The following CLASP2 variants were observed in gnomAD, a reference collection of about 807,000 sequenced individuals.
The protein encoded by CLASP2 is cytoplasmic linker associated protein 2.
Under a neutral mutation model 194.4 loss-of-function variants are expected in CLASP2, and 47 were observed. The ratio of observed to expected loss-of-function variants is 0.24; its 90% CI spans 0.19 to 0.31. The LOEUF (loss-of-function observed/expected upper bound fraction) is 0.31, where lower values mean the gene tolerates loss of function less well. Among genes scored for constraint, CLASP2 ranks in the 10% least tolerant of loss-of-function variants. The pLI is 1.00. For missense variants in CLASP2, 1,445 were observed against 1,823.6 expected (o/e 0.79, Z 3.78); for synonymous variants, 619 against 633.5 (o/e 0.98, Z 0.34).
intron 7 of CLASP2, among the ~76,000 whole-genome samples, chr3:33,652,685 T>C (rs28478611): frequency 2.6e-5 from 4 of 152,212 alleles, no homozygotes; most frequent in Admixed American, 6.5e-5. Context: ...CAGACCTATA[T>C]ATCCAATTGC....
rs568821764 is a variant in CLASP2 at position 33,568,553 on chromosome 3, C to CAAAAAAAAAA, written c.2764-1829_2764-1820dup. On this transcript the variant is annotated intron_variant, in intron 26 of 38. Coordinates refer to ENST00000682230, the MANE Select transcript of CLASP2 (RefSeq NM_001365631.1). The stretch of plus-strand genomic sequence containing the variant: ...TGGGTGACAGAAAGAGATCTTGTCT[C>CAAAAAAAAAA]AAAAAAAAAAAAAAAAAAAAAATTA... 2.9e-3 allele frequency among the ~76,000 whole-genome samples: 166 copies of CAAAAAAAAAA among 56,778 alleles called. 5 individuals are homozygous for CAAAAAAAAAA. Among genetic ancestry groups the CAAAAAAAAAA allele is most frequent in the Middle Eastern group, 0.011 (1 of 88 alleles). 37.2% of individuals were successfully genotyped at this position (56,778 alleles called of 152,430 possible).
intron 30 of CLASP2, among the ~76,000 whole-genome samples, chr3:33,548,107 C>A (rs1346206474): frequency 6.6e-6 from 1 of 151,476 alleles, no homozygotes; most frequent in Non-Finnish European, 1.5e-5. Flanking sequence ...AGATCAATTT[C>A]CTGTTATAGT....
chr3:33,555,494 T>G (rs1443081872), intron 29 of CLASP2, among the ~76,000 whole-genome samples: 2 of 151,474 alleles, frequency 1.3e-5, no homozygotes, highest in Non-Finnish European at 2.9e-5. Context: ...GCTTCCCGAG[T>G]AGATAAGATT....
In CLASP2 at chr3:33,643,379, T is replaced by C. The variant is rs377467859; in HGVS notation, c.862+1378A>G. Among the ~76,000 whole-genome samples, 8 of 152,000 alleles carry C rather than the reference T, an allele frequency of 5.3e-5. No homozygotes were observed. In the East Asian group the frequency reaches 1.3e-3, roughly 26 times the overall value. Reference sequence around the variant, plus strand: ...TGTAATAACTGAAGAGAGCTATTTGTTATAAAAGGAAGAAACCAAAAAATG... The same window carrying C: ...TGTAATAACTGAAGAGAGCTATTTGCTATAAAAGGAAGAAACCAAAAAATG... On this transcript the variant is annotated intron_variant, in intron 8 of 38. Transcript: ENST00000682230.
At chr3:33,601,223 GTGCTGGGA>G (rs2072092770) in intron 18 of CLASP2, among the ~76,000 whole-genome samples, 1 of 152,154 alleles carries the variant, frequency 6.6e-6, no homozygotes, top group Non-Finnish European at 1.5e-5. Context: ...GCCTCCCAAA[GTGCTGGGA>G]TTACAGGTGT....
intron 12 of CLASP2, among the ~76,000 whole-genome samples, chr3:33,616,846 T>C (rs1346379739): frequency 1.4e-5 from 2 of 145,840 alleles, no homozygotes; most frequent in Non-Finnish European, 3.0e-5. Flanking sequence ...CAAGCAATAC[T>C]CCTGCCTCAG....
Position 33,517,048 on chromosome 3 carries a change from A to C in CLASP2, c.3914T>G (p.Phe1305Cys), listed in dbSNP as rs748075075. 1.4e-5 allele frequency: 23 copies of C among 1,613,604 alleles called. No homozygotes were observed. The highest frequency in any genetic ancestry group is 1.9e-5 in the Non-Finnish European group (22 of 1,179,786). Residue 1305 changes from phenylalanine (F) to cysteine (C), a missense_variant, in exon 35 of 39, where the codon TTT becomes TGT. Transcript: ENST00000682230. ...TTTGAAGTGTTCATCCCAAACACTA[A>C]AAGATTCTTCCTGTGTCAGTTTCAT... ...ELMKLTQEES[F>C]SVWDEHFKTI...
At chr3:33,557,671 C>G (rs926291501) in intron 29 of CLASP2, among the ~76,000 whole-genome samples, 1 of 152,126 alleles carries the variant, frequency 6.6e-6, no homozygotes, top group East Asian at 1.9e-4. Context: ...CCAGGAACAC[C>G]TAGCACACTG....
At chr3:33,689,727 A>C in intron 3 of CLASP2, 102 bp downstream of exon 3, 1 of 722,000 alleles carries the variant, frequency 1.4e-6, no homozygotes, top group Middle Eastern at 2.7e-4. Context: ...CAGTATTAGC[A>C]ACAAATCATT....
At chr3:33,601,821 C>T (rs1272970862) in intron 18 of CLASP2, among the ~76,000 whole-genome samples, 2 of 152,136 alleles carry the variant, frequency 1.3e-5, no homozygotes, top group Non-Finnish European at 2.9e-5. Context: ...GTTCTGAATG[C>T]AGCTGTGCCA....
chr3:33,717,151 C>G (rs1192286257), intron 1 of CLASP2, among the ~76,000 whole-genome samples: 1 of 152,236 alleles, frequency 6.6e-6, no homozygotes, highest in Admixed American at 6.5e-5. Context: ...TCTACTAAGA[C>G]ACATCAACCT....
chr3:33,512,610 G>A (rs1447328675), intron 36 of CLASP2, among the ~76,000 whole-genome samples: 1 of 129,876 alleles, frequency 7.7e-6, no homozygotes, highest in African/African-American at 3.0e-5. Context: ...AACTGCTTTT[G>A]ATGCTACTTT....
At chr3:33,632,049 A>C (rs1212099066) in intron 9 of CLASP2, among the ~76,000 whole-genome samples, 2 of 152,238 alleles carry the variant, frequency 1.3e-5, no homozygotes, top group Non-Finnish European at 2.9e-5. Flanking sequence ...TCATTAATTT[A>C]AGAATCTGAA....
chr3:33,592,121 C>T (rs1258525833), intron 21 of CLASP2: 2 of 687,694 alleles, frequency 2.9e-6, no homozygotes, highest in Admixed American at 2.1e-5. Flanking sequence ...ATCAATGATG[C>T]AGCCCTAATA....
chr3:33,659,107 T>C, intron 7 of CLASP2: 1 of 1,479,494 alleles, frequency 6.8e-7, no homozygotes. Context: ...GAGCACTGTG[T>C]GACCCAGGCC....
chr3:33,700,302 C>T (rs1306302740), intron 1 of CLASP2, among the ~76,000 whole-genome samples: 1 of 151,920 alleles, frequency 6.6e-6, no homozygotes, highest in Non-Finnish European at 1.5e-5. Flanking sequence ...TGGCACATAC[C>T]TGTAATCCCA....
rs1235284032 is a variant in CLASP2 at position 33,696,380 on chromosome 3, C to G, written c.274+475G>C. Among the ~76,000 whole-genome samples the G allele has an allele frequency of 9.2e-5, 7 of 76,250 alleles. No individual in the cohort carries two copies. The East Asian group carries it at 2.2e-3, about 24-fold the overall frequency. The allele number at this position is 76,250 out of a possible 152,430, so 50.0% of individuals were successfully genotyped here. On this transcript the variant is annotated intron_variant, in intron 2 of 38. Transcript: ENST00000682230. ...TTTTTTTTTTTTTTTTTTTTTTTTG[C>G]CTCAAAGGTGATTTAAGTAAGTTTA...
At chr3:33,644,120 A>G (rs1255159446) in intron 8 of CLASP2, among the ~76,000 whole-genome samples, 1 of 152,148 alleles carries the variant, frequency 6.6e-6, no homozygotes, top group Non-Finnish European at 1.5e-5. Context: ...ATGAAAGAAT[A>G]CCCATTAAAA....
At chr3:33,677,505 G>A (rs1447135499) in intron 6 of CLASP2, among the ~76,000 whole-genome samples, 1 of 143,692 alleles carries the variant, frequency 7.0e-6, no homozygotes, top group African/African-American at 2.6e-5. Flanking sequence ...ATTGAACGAT[G>A]AGAACACATG....
Sources: gnomAD v4.1 joint callset for allele counts (sites outside exome capture counted in the v4.1 genomes callset) on GRCh38, gnomAD v4.1.1 for gene constraint, MANE v1.5 for transcripts, NCBI Gene and HGNC (gene_info 2026-07-23, HGNC 2026-07-21) for gene names.